FBXL13: variants seen among roughly 807,000 people sequenced by gnomAD.
FBXL13 encodes the protein F-box and leucine rich repeat protein 13, also known as F-box and leucine-rich repeat protein 13.
FBXL13 carries 67 observed loss-of-function variants against 83.6 expected under a neutral mutation model. The ratio of observed to expected loss-of-function variants is 0.80; its 90% CI spans 0.66 to 0.98. The LOEUF (loss-of-function observed/expected upper bound fraction) is 0.98. Ranked by LOEUF, FBXL13 falls within the 50% of genes least tolerant of loss-of-function variation. FBXL13 has a pLI of 0.00. For missense variants in FBXL13, 822 were observed against 866.5 expected, an observed-to-expected ratio of 0.95 and a Z score of 0.64; for synonymous variants, 272 against 299.5, an observed-to-expected ratio of 0.91 and a Z score of 0.95.
At chr7:102,968,155 G>T in intron 6 of FBXL13, 38 bp from the exon 8 acceptor site, 1 of 1,399,914 alleles carries the variant, frequency 7.1e-7, no homozygotes. Flanking sequence ...TGAAAAATGT[G>T]AACTTTGATG....
intron 8 of FBXL13, among the ~76,000 whole-genome samples, chr7:102,940,585 A>G (rs1293383379): frequency 6.6e-6 from 1 of 152,186 alleles, no homozygotes; most frequent in African/African-American, 2.4e-5. Flanking sequence ...TCTTGTTTAG[A>G]ATAAATTAGA....
intron 16 of FBXL13, among the ~76,000 whole-genome samples, chr7:102,855,538 G>A (rs60599650): frequency 0.2 from 29,704 of 151,916 alleles, 3,196 homozygotes; most frequent in East Asian, 0.43. Context: ...GTGGCTTATT[G>A]ATGCCATCCT....
chr7:102,953,253 A>G (rs1187465787), intron 8 of FBXL13, among the ~76,000 whole-genome samples: 1 of 152,196 alleles, frequency 6.6e-6, no homozygotes, highest in Non-Finnish European at 1.5e-5. Context: ...AATATCCTCA[A>G]AAAATATTAG....
intron 6 of FBXL13, among the ~76,000 whole-genome samples, chr7:103,021,160 G>A (rs937975111): frequency 6.6e-6 from 1 of 152,108 alleles, no homozygotes; most frequent in Non-Finnish European, 1.5e-5. Flanking sequence ...ACAGAACAGA[G>A]CCCTCAGAAA....
chr7:102,883,522 G>T lies in FBXL13; in HGVS notation c.1225+46C>A, dbSNP rs75737696. On this transcript the variant is annotated intron_variant, in intron 13 of 19. Coordinates refer to ENST00000313221, the Ensembl canonical transcript of FBXL13. ...GTATTGTATTTAGAATGCCACAAGAGTAAAAGTAAACAATAATGCTGAACC... is the reference window on the plus strand; with the variant it reads ...GTATTGTATTTAGAATGCCACAAGATTAAAAGTAAACAATAATGCTGAACC... 6.9e-4 allele frequency: 1,097 copies of T among 1,587,984 alleles called. 7 individuals carry two copies. The African/African-American group carries it at 0.014, about 20-fold the overall frequency.
In FBXL13 at chr7:102,945,984, C is replaced by T. The variant is rs147456228; in HGVS notation, c.725-14051G>A. Reference sequence around the variant, plus strand: ...GCAACCTACGCCTTCCGGGTTCAAGCGATTCTCCTGTCTCAACCTCCCGAG... The same window carrying T: ...GCAACCTACGCCTTCCGGGTTCAAGTGATTCTCCTGTCTCAACCTCCCGAG... On this transcript the variant is annotated intron_variant, in intron 8 of 19. Transcript: ENST00000313221. 4.6e-5 allele frequency among the ~76,000 whole-genome samples: 7 copies of T among 152,202 alleles called. No individual in the cohort carries two copies. The East Asian group carries it at 5.8e-4, about 13-fold the overall frequency.
At chr7:102,869,345 G>GT (rs1369082279) in intron 16 of FBXL13, among the ~76,000 whole-genome samples, 1 of 152,144 alleles carries the variant, frequency 6.6e-6, no homozygotes, top group African/African-American at 2.4e-5. Flanking sequence ...CTATTGAGTT[G>GT]TTTGAGTTCC....
intron 8 of FBXL13, chr7:102,944,515 T>C (rs1351796463): frequency 6.2e-7 from 1 of 1,614,030 alleles, no homozygotes; most frequent in South Asian, 1.1e-5. Flanking sequence ...TCCTGAGTCA[T>C]TTGACCAAGA....
At chr7:102,929,866 A>G (rs537923856) in intron 9 of FBXL13, among the ~76,000 whole-genome samples, 1 of 152,138 alleles carries the variant, frequency 6.6e-6, no homozygotes, top group East Asian at 1.9e-4. Context: ...ATGAAATTGT[A>G]CACTTTAAGT....
intron 6 of FBXL13, among the ~76,000 whole-genome samples, chr7:103,021,560 G>A (rs1341472141): frequency 6.6e-6 from 1 of 152,152 alleles, no homozygotes; most frequent in African/African-American, 2.4e-5. Flanking sequence ...TACAGAATGG[G>A]AGAAAATTTT....
At chr7:103,074,516 C>T (rs553254723) in exon 1 of FBXL13, 2 of 1,201,872 alleles carry the variant, frequency 1.7e-6, no homozygotes, top group East Asian at 1.2e-4. Flanking sequence ...TAATCAGCGT[C>T]TTCAGCCCTG....
rs749253466 is a variant in FBXL13, at chr7:103,025,190, C to T, written c.368G>A (p.Arg123Lys). The stretch of plus-strand genomic sequence containing the variant: ...TGCAGCAGCTCTTTTGAGTATTAAC[C>T]TATTTTTCCATTTTTTCAATTGAAG... Residue 123 changes from arginine (R) to lysine (K), a missense_variant, in exon 6 of 20, where the codon AGG (arginine) becomes AAG (lysine). Transcript: ENST00000313221. 16 of 1,588,840 alleles carry T rather than the reference C, an allele frequency of 1.0e-5. No homozygotes were observed. The South Asian group carries it at 1.7e-4, about 17-fold the overall frequency.
At chr7:103,070,592 AT>A (rs1798854117) in intron 1 of FBXL13, among the ~76,000 whole-genome samples, 1 of 152,252 alleles carries the variant, frequency 6.6e-6, no homozygotes, top group Non-Finnish European at 1.5e-5. Context: ...CAGGTAATTT[AT>A]AAAGAAAAGA....
intron 11 of FBXL13, among the ~76,000 whole-genome samples, chr7:102,898,870 A>G (rs1471285548): frequency 6.6e-6 from 1 of 152,150 alleles, no homozygotes; most frequent in Non-Finnish European, 1.5e-5. Flanking sequence ...TCCCTAAAGC[A>G]CATCTGGAAG....
chr7:102,973,059 A>G (rs537804794), intron 6 of FBXL13: 4 of 160,176 alleles, frequency 2.5e-5, no homozygotes, highest in African/African-American at 9.6e-5. Context: ...TTGTGTGTGA[A>G]GAAAACATTT....
At chr7:102,875,664 G>C (rs1809133237) in intron 16 of FBXL13, among the ~76,000 whole-genome samples, 1 of 152,098 alleles carries the variant, frequency 6.6e-6, no homozygotes, top group South Asian at 2.1e-4. Context: ...AAACTGAGGA[G>C]ATTTAATTTT....
chr7:102,870,533 C>T (rs1207446366), intron 16 of FBXL13, among the ~76,000 whole-genome samples: 2 of 152,162 alleles, frequency 1.3e-5, no homozygotes, highest in Non-Finnish European at 2.9e-5. Flanking sequence ...ATTACTTGCT[C>T]AGCATCTGCC....
In FBXL13 at chr7:102,941,952, G is replaced by A. The variant is rs140875818; in HGVS notation, c.725-10019C>T. On this transcript the variant is annotated intron_variant, in intron 8 of 19. Transcript: ENST00000313221. ...TACTGATGTTTTTCACATGTTTCCC[G>A]TAACTGATACTTTTCATCAGTTGTG... 1.3e-3 allele frequency among the ~76,000 whole-genome samples: 195 copies of A among 152,230 alleles called. 1 individual carries two copies. The highest frequency in any genetic ancestry group is 0.011 in the Admixed American group (164 of 15,280).
At chr7:102,818,284 G>A (rs1798278873) in intron 19 of FBXL13, among the ~76,000 whole-genome samples, 1 of 152,200 alleles carries the variant, frequency 6.6e-6, no homozygotes, top group African/African-American at 2.4e-5. Context: ...ATATAAAGGC[G>A]AAGAGCAGCA....
Sources: allele counts gnomAD v4.1 joint callset (sites outside exome capture counted in the v4.1 genomes callset), GRCh38; gene constraint gnomAD v4.1.1; transcripts MANE v1.5; gene names NCBI Gene and HGNC (gene_info 2026-07-23, HGNC 2026-07-21).